THSD7B: variants seen among roughly 807,000 people sequenced by gnomAD.
THSD7B encodes the protein thrombospondin type-1 domain-containing protein 7B.
THSD7B carries 138 observed loss-of-function variants against 213.6 expected under a neutral mutation model. The ratio of observed to expected loss-of-function variants is 0.65; its 90% CI spans 0.56 to 0.74. The LOEUF is 0.74. THSD7B is among the 30% of genes least tolerant of loss of function. THSD7B has a pLI of 0.00. For synonymous variants in THSD7B, 742 were observed against 687.0 expected (o/e 1.08, Z -1.25); for missense variants, 1,931 against 1,991.5 (o/e 0.97, Z 0.58).
At chr2:137,606,201 G>C (rs553090705) in intron 17 of THSD7B, among the ~76,000 whole-genome samples, 1 of 152,238 alleles carries the variant, frequency 6.6e-6, no homozygotes, top group South Asian at 2.1e-4. Context: ...GTTAGGCAAA[G>C]TGGCGTAGGA....
At chr2:136,951,056 G>A (rs1685030061) in intron 2 of THSD7B, among the ~76,000 whole-genome samples, 1 of 152,100 alleles carries the variant, frequency 6.6e-6, no homozygotes, top group Non-Finnish European at 1.5e-5. Flanking sequence ...CATTGATTTG[G>A]TTCTCTGTGG....
chr2:136,978,260 A>T (rs1685516234), intron 2 of THSD7B, among the ~76,000 whole-genome samples: 1 of 152,198 alleles, frequency 6.6e-6, no homozygotes, highest in South Asian at 2.1e-4. Flanking sequence ...AAGAATGTAT[A>T]TTCTGTTGTT....
At chr2:136,878,853 C>G (rs1683569155) in intron 1 of THSD7B, among the ~76,000 whole-genome samples, 1 of 152,036 alleles carries the variant, frequency 6.6e-6, no homozygotes, top group South Asian at 2.1e-4. Context: ...AAATTTTCTC[C>G]CATTCTGTAG....
At chr2:137,537,158 G>A (rs796363880) in intron 15 of THSD7B, among the ~76,000 whole-genome samples, 1 of 151,628 alleles carries the variant, frequency 6.6e-6, no homozygotes, top group Non-Finnish European at 1.5e-5. Context: ...TCAAGCTTTG[G>A]TATTAATACT....
chr2:137,391,794 G>A (rs1574000825), intron 12 of THSD7B, among the ~76,000 whole-genome samples: 1 of 151,690 alleles, frequency 6.6e-6, no homozygotes, highest in Non-Finnish European at 1.5e-5. Context: ...CATTAGGTTT[G>A]GTTTATTCTT....
chr2:137,132,091 T>C (rs1688743597), intron 5 of THSD7B, among the ~76,000 whole-genome samples: 2 of 149,696 alleles, frequency 1.3e-5, no homozygotes, highest in African/African-American at 4.9e-5. Context: ...GAAGAGGTCC[T>C]TCACATCCCT....
intron 13 of THSD7B, 30 bp downstream of exon 13, chr2:137,405,837 A>G (rs924945779): frequency 1.9e-6 from 3 of 1,564,306 alleles, no homozygotes; most frequent in Admixed American, 1.9e-5. Context: ...CTTTAGCATC[A>G]GGCAAGCTGA....
chr2:136,771,592 A>G (rs17656238), intron 1 of THSD7B, among the ~76,000 whole-genome samples: 5,650 of 152,222 alleles, frequency 0.037, 157 homozygotes, highest in South Asian at 0.12. Context: ...TATCCAAATT[A>G]TATCTATTAG....
At chr2:137,391,184 T>G (rs1686017364) in intron 12 of THSD7B, among the ~76,000 whole-genome samples, 1 of 152,212 alleles carries the variant, frequency 6.6e-6, no homozygotes, top group African/African-American at 2.4e-5. Context: ...TGGTTTCATT[T>G]TGGGAGGTTG....
intron 2 of THSD7B, among the ~76,000 whole-genome samples, chr2:136,901,631 A>C (rs1289125624): frequency 2.0e-5 from 3 of 152,162 alleles, no homozygotes; most frequent in African/African-American, 7.2e-5. Context: ...TTAGCTCTTT[A>C]AGTTCTTTTG....
At chr2:137,047,523 T>C (rs1420399788) in intron 2 of THSD7B, among the ~76,000 whole-genome samples, 2 of 152,166 alleles carry the variant, frequency 1.3e-5, no homozygotes, top group East Asian at 1.9e-4. Context: ...AAACTGCTTC[T>C]AATTTTAAAC....
intron 1 of THSD7B, among the ~76,000 whole-genome samples, chr2:136,836,998 A>G (rs984285777): frequency 1.3e-5 from 2 of 152,192 alleles, no homozygotes; most frequent in African/African-American, 2.4e-5. Flanking sequence ...CCTGTCAGCT[A>G]TACTTTCAAA....
chr2:136,943,114 C>A (rs1684862263), intron 2 of THSD7B, among the ~76,000 whole-genome samples: 1 of 152,032 alleles, frequency 6.6e-6, no homozygotes, highest in African/African-American at 2.4e-5. Context: ...ATAATCAGGC[C>A]TTTTCTGCAT....
intron 15 of THSD7B, among the ~76,000 whole-genome samples, chr2:137,561,660 G>A (rs917917019): frequency 6.6e-6 from 1 of 152,050 alleles, no homozygotes; most frequent in African/African-American, 2.4e-5. Flanking sequence ...TAGTATGTTT[G>A]GTTGGGGTCC....
At chr2:137,197,782 A>G (rs571552200) in intron 7 of THSD7B, among the ~76,000 whole-genome samples, 2 of 152,314 alleles carry the variant, frequency 1.3e-5, no homozygotes, top group African/African-American at 4.8e-5. Flanking sequence ...CTTTGTTCAG[A>G]GAGTGTAGTC....
At chr2:137,605,050 A>G (rs140014127) in intron 17 of THSD7B, among the ~76,000 whole-genome samples, 8 of 152,332 alleles carry the variant, frequency 5.3e-5, no homozygotes, top group African/African-American at 1.9e-4. Context: ...GCTAATAAGC[A>G]TAAATTCTAT....
chr2:137,654,586 G>T (rs886567318), intron 21 of THSD7B, among the ~76,000 whole-genome samples: 18 of 152,132 alleles, frequency 1.2e-4, no homozygotes, highest in African/African-American at 4.1e-4. Context: ...CTGTGCACTT[G>T]GTTCTGGGCA....
chr2:137,143,237 T>G (rs1477229321), intron 5 of THSD7B, among the ~76,000 whole-genome samples: 1 of 152,184 alleles, frequency 6.6e-6, no homozygotes, highest in Non-Finnish European at 1.5e-5. Flanking sequence ...ACTATACACA[T>G]GAATGCTGAA....
At chr2:136,964,024 C>T (rs969537792) in intron 2 of THSD7B, among the ~76,000 whole-genome samples, 1 of 151,990 alleles carries the variant, frequency 6.6e-6, no homozygotes, top group African/African-American at 2.4e-5. Flanking sequence ...TAGTTTGCAC[C>T]CTTGCAACTG....
Sources: allele counts gnomAD v4.1 joint callset (sites outside exome capture counted in the v4.1 genomes callset), GRCh38; gene constraint gnomAD v4.1.1; transcripts MANE v1.5; gene names NCBI Gene and HGNC (gene_info 2026-07-23, HGNC 2026-07-21).